ADD1: variants seen among roughly 807,000 people sequenced by gnomAD.
ADD1 encodes adducin 1.
In ADD1, 24 loss-of-function variants were observed where a neutral mutation model predicts 80.5. The ratio of observed to expected loss-of-function variants is 0.30; its 90% CI spans 0.22 to 0.42. ADD1 has a LOEUF of 0.42. ADD1 is among the 10% of genes least tolerant of loss of function. ADD1 has a pLI of 1.00. For synonymous variants in ADD1, 373 were observed against 393.8 expected, an observed-to-expected ratio of 0.95 and a Z score of 0.63; for missense variants, 948 against 1,019.0, an observed-to-expected ratio of 0.93 and a Z score of 0.95.
At chr4:2,911,178 G>A (rs917934165) in intron 13 of ADD1, among the ~76,000 whole-genome samples, 10 of 152,090 alleles carry the variant, frequency 6.6e-5, no homozygotes, top group Non-Finnish European at 1.2e-4. Flanking sequence ...CCAGTGAGGC[G>A]AGTGCGTGGA....
chr4:2,851,312 A>T (rs1577413464), intron 1 of ADD1, among the ~76,000 whole-genome samples: 2 of 152,318 alleles, frequency 1.3e-5, no homozygotes, highest in East Asian at 3.9e-4. Context: ...AGGAGTAATA[A>T]TAATAACAGT....
chr4:2,914,568 A>C (rs1295391089), intron 13 of ADD1: 2 of 255,022 alleles, frequency 7.8e-6, no homozygotes, highest in Non-Finnish European at 1.5e-5. Context: ...TCTGCTCCAC[A>C]GTGAGGAGTG....
intron 14 of ADD1, among the ~76,000 whole-genome samples, chr4:2,921,126 C>A (rs983021735): frequency 6.6e-6 from 1 of 151,900 alleles, no homozygotes; most frequent in Non-Finnish European, 1.5e-5. Context: ...AAATTCTGGG[C>A]TGAAAATTCT....
chr4:2,881,593 T>C (rs529184536), intron 2 of ADD1: 48 of 219,774 alleles, frequency 2.2e-4, no homozygotes, highest in African/African-American at 9.8e-4. Flanking sequence ...GTTTTTCCCT[T>C]TTATCAATAA....
chr4:2,858,414 A>C (rs1276551685), intron 1 of ADD1, among the ~76,000 whole-genome samples: 1 of 152,224 alleles, frequency 6.6e-6, no homozygotes. Context: ...AGAGATGAAG[A>C]AATGTGCCTA....
intron 4 of ADD1, among the ~76,000 whole-genome samples, chr4:2,888,489 T>A (rs1733766586): frequency 6.6e-6 from 1 of 151,498 alleles, no homozygotes; most frequent in East Asian, 1.9e-4. Context: ...TGATCTCGGC[T>A]CACTCAACCT....
Position 2,904,801 on chromosome 4 carries a change from TGA to T in ADD1, c.1206_1207del (p.Lys403ValfsTer2). ...GGCTACCCTTATCGATACCCTGCTCTGAGAGAGAAGTCTAAAAAATACAGCGA... is the reference window on the plus strand; with the variant it reads ...GGCTACCCTTATCGATACCCTGCTCTGAGAGAAGTCTAAAAAATACAGCGA... On this transcript the variant is annotated frameshift_variant, in exon 10 of 16. Coordinates refer to ENST00000683351, the MANE Select transcript of ADD1 (RefSeq NM_001354761.2). LOFTEE classifies it high-confidence loss of function. 6.2e-7 allele frequency: 1 copy of T among 1,614,206 alleles called. No homozygotes were observed. Among genetic ancestry groups the T allele is most frequent in the Non-Finnish European group, 8.5e-7 (1 of 1,180,040 alleles).
chr4:2,855,373 G>T (rs1727905438), intron 1 of ADD1, among the ~76,000 whole-genome samples: 1 of 151,700 alleles, frequency 6.6e-6, no homozygotes, highest in Admixed American at 6.6e-5. Flanking sequence ...TATTCTGTTT[G>T]TCTTTTCTCC....
chr4:2,915,749 G>T (rs1014948), intron 14 of ADD1, among the ~76,000 whole-genome samples: 5 of 152,042 alleles, frequency 3.3e-5, no homozygotes, highest in Non-Finnish European at 7.4e-5. Context: ...GCTTGAACCC[G>T]GGGGGCGGAG....
intron 1 of ADD1, among the ~76,000 whole-genome samples, chr4:2,874,491 A>G (rs1730946414): frequency 6.6e-6 from 1 of 151,376 alleles, no homozygotes; most frequent in Non-Finnish European, 1.5e-5. Context: ...CCTGTAATCA[A>G]AGCTACTCGG....
chr4:2,876,903 G>A (rs1731416086), intron 2 of ADD1, among the ~76,000 whole-genome samples: 1 of 151,740 alleles, frequency 6.6e-6, no homozygotes, highest in African/African-American at 2.4e-5. Context: ...TCGGGCGGCT[G>A]AGGCAGGAGA....
rs374206037 is a variant in ADD1, at chr4:2,926,456, G to A, written c.2047+344G>A. On this transcript the variant is annotated intron_variant, in intron 15 of 15. Transcript: ENST00000683351. The surrounding 1 kb of genome is among the most constrained non-coding windows in gnomAD (Gnocchi z 5.0). Reference sequence around the variant, plus strand: ...CCCTCCGCTGTGTGAGCCACACGCCGGCTGCCTCTCAGCCACCGTGTGTCT... The same window carrying A: ...CCCTCCGCTGTGTGAGCCACACGCCAGCTGCCTCTCAGCCACCGTGTGTCT... 17 of 705,142 alleles carry A rather than the reference G, an allele frequency of 2.4e-5. No individual in the cohort carries two copies. Among genetic ancestry groups the A allele is most frequent in the Admixed American group, 1.0e-4 (5 of 48,708 alleles). 43.7% of individuals were successfully genotyped at this position (705,142 alleles called of 1,614,324 possible). A position where few individuals can be genotyped will look rare whatever the true frequency, so the allele number is the denominator to read the frequency against.
chr4:2,860,269 G>C (rs16843490), intron 1 of ADD1, among the ~76,000 whole-genome samples: 1 of 152,066 alleles, frequency 6.6e-6, no homozygotes, highest in African/African-American at 2.4e-5. Context: ...TACTAGCTAC[G>C]TTTGCTTTAT....
At chr4:2,907,459 G>A (rs1577669445) in intron 10 of ADD1, 8 of 313,750 alleles carry the variant, frequency 2.5e-5, no homozygotes, top group South Asian at 2.2e-4. Context: ...ATGGGGCTCA[G>A]CTCTGTCGTC....
chr4:2,845,008 A>G (rs1725963040), intron 1 of ADD1, among the ~76,000 whole-genome samples: 1 of 152,196 alleles, frequency 6.6e-6, no homozygotes, highest in South Asian at 2.1e-4. Flanking sequence ...CATTTCAGGC[A>G]GAGGGTGTGA....
intron 1 of ADD1, among the ~76,000 whole-genome samples, chr4:2,850,185 T>C (rs567302473): frequency 6.6e-6 from 1 of 152,226 alleles, no homozygotes; most frequent in Non-Finnish European, 1.5e-5. Context: ...TCTGAAAACA[T>C]GCTAAGTGGA....
intron 4 of ADD1, among the ~76,000 whole-genome samples, chr4:2,886,352 C>T (rs887605249): frequency 1.3e-5 from 2 of 152,198 alleles, no homozygotes; most frequent in African/African-American, 2.4e-5. Context: ...TGTTGTGCCT[C>T]TGGGACTTGA....
chr4:2,909,245 G>C, intron 12 of ADD1, 94 bp from the exon 13 acceptor site: 1 of 1,060,430 alleles, frequency 9.4e-7, no homozygotes, highest in South Asian at 1.4e-5. Flanking sequence ...AGCTGTCCCT[G>C]CTGCATGCTC....
intron 13 of ADD1, among the ~76,000 whole-genome samples, chr4:2,914,008 G>A (rs28493691): frequency 1.1e-4 from 16 of 148,850 alleles, no homozygotes; most frequent in Non-Finnish European, 7.4e-5. Context: ...GCAGCGAGCC[G>A]AGATTGCGCC....
Sources: gnomAD v4.1 joint callset for allele counts (sites outside exome capture counted in the v4.1 genomes callset) on GRCh38, gnomAD v4.1.1 for gene constraint, Gnocchi (gnomAD v3.1) non-coding constraint, MANE v1.5 for transcripts, NCBI Gene and HGNC (gene_info 2026-07-23, HGNC 2026-07-21) for gene names.